PCNX2: variants seen among roughly 807,000 people sequenced by gnomAD.
PCNX2 encodes pecanex 2, also known as pecanex-like protein 2.
PCNX2 carries 168 observed loss-of-function variants against 223.8 expected under a neutral mutation model. The ratio of observed to expected loss-of-function variants is 0.75; its 90% CI spans 0.66 to 0.85. The LOEUF is 0.85. PCNX2 is among the 40% of genes least tolerant of loss of function. PCNX2 has a pLI of 0.00. For synonymous variants in PCNX2, 1,006 were observed against 1,052.6 expected (o/e 0.96, Z 0.86); for missense variants, 2,507 against 2,675.5 (o/e 0.94, Z 1.39).
intron 15 of PCNX2, among the ~76,000 whole-genome samples, chr1:233,179,700 T>C (rs1044074590): frequency 1.3e-5 from 2 of 152,236 alleles, no homozygotes; most frequent in East Asian, 3.8e-4. Context: ...AATAGCTTCT[T>C]ACTCTAAAGC....
At chr1:233,204,419 C>T (rs151132304) in intron 13 of PCNX2, among the ~76,000 whole-genome samples, 4 of 152,156 alleles carry the variant, frequency 2.6e-5, no homozygotes, top group African/African-American at 4.8e-5. Flanking sequence ...GGAAGTATTA[C>T]GCTTCCTAGA....
intron 1 of PCNX2, among the ~76,000 whole-genome samples, chr1:233,281,839 A>C (rs967632119): frequency 3.3e-5 from 5 of 152,184 alleles, no homozygotes; most frequent in African/African-American, 1.2e-4. Flanking sequence ...ATGGAGTTAG[A>C]TTCCATTAAT....
At chr1:233,089,988 C>G in intron 23 of PCNX2, 73 bp downstream of exon 23, 1 of 1,598,776 alleles carries the variant, frequency 6.3e-7, no homozygotes, top group Non-Finnish European at 8.5e-7. Flanking sequence ...GACCTCCTAA[C>G]AGAGGAAGGC....
intron 28 of PCNX2, among the ~76,000 whole-genome samples, chr1:233,009,882 G>C (rs1031158225): frequency 6.6e-6 from 1 of 152,230 alleles, no homozygotes; most frequent in Non-Finnish European, 1.5e-5. Flanking sequence ...GCCAGGCCCA[G>C]GTGGGAGGGG....
intron 25 of PCNX2, among the ~76,000 whole-genome samples, chr1:233,028,152 G>C (rs972955224): frequency 1.3e-5 from 2 of 152,178 alleles, no homozygotes; most frequent in Non-Finnish European, 2.9e-5. Context: ...TGATGGCTTA[G>C]CACATGGTGT....
intron 15 of PCNX2, among the ~76,000 whole-genome samples, chr1:233,180,194 T>C (rs1028964034): frequency 5.9e-5 from 9 of 152,304 alleles, no homozygotes; most frequent in South Asian, 2.1e-4. Flanking sequence ...GATAATCACC[T>C]GAGGAAAGAG....
intron 1 of PCNX2, among the ~76,000 whole-genome samples, chr1:233,274,120 G>A (rs980375984): frequency 3.3e-5 from 5 of 152,172 alleles, no homozygotes; most frequent in African/African-American, 9.7e-5. Flanking sequence ...TAGAACCAGT[G>A]TGCCTACTTC....
At chr1:233,292,136 A>G (rs1199683807) in intron 1 of PCNX2, 1 of 703,636 alleles carries the variant, frequency 1.4e-6, no homozygotes, top group Non-Finnish European at 1.7e-6. Flanking sequence ...AATATTTAAA[A>G]TACTCAAAGT....
At chr1:233,239,026 T>C (rs917740471) in intron 8 of PCNX2, among the ~76,000 whole-genome samples, 1 of 152,230 alleles carries the variant, frequency 6.6e-6, no homozygotes, top group Admixed American at 6.5e-5. Flanking sequence ...CACTGAGTAA[T>C]GTAACTCTGT....
chr1:233,143,951 T>A (rs1677274515), intron 19 of PCNX2, among the ~76,000 whole-genome samples: 3 of 151,952 alleles, frequency 2.0e-5, no homozygotes, highest in Admixed American at 2.0e-4. Flanking sequence ...GAAAAAAAAA[T>A]TGCTATAATA....
At chr1:233,269,768 T>C (rs897463868) in intron 1 of PCNX2, among the ~76,000 whole-genome samples, 3 of 152,194 alleles carry the variant, frequency 2.0e-5, no homozygotes, top group African/African-American at 7.2e-5. Flanking sequence ...TATATGCCCA[T>C]CCGAGAGTGC....
chr1:233,127,136 C>T (rs1029366098), intron 21 of PCNX2, among the ~76,000 whole-genome samples: 2 of 152,170 alleles, frequency 1.3e-5, no homozygotes, highest in African/African-American at 4.8e-5. Context: ...AGAGATATTT[C>T]CAAAATGCAA....
intron 23 of PCNX2, among the ~76,000 whole-genome samples, chr1:233,071,741 G>T (rs1672865742): frequency 6.6e-6 from 1 of 152,110 alleles, no homozygotes; most frequent in Admixed American, 6.5e-5. Flanking sequence ...CCATATGGTT[G>T]AACTAATTTA....
At chr1:233,031,312 C>G (rs6657371) in intron 25 of PCNX2, among the ~76,000 whole-genome samples, 1 of 152,098 alleles carries the variant, frequency 6.6e-6, no homozygotes, top group Non-Finnish European at 1.5e-5. Context: ...CACTCCCACC[C>G]CTATTCATTA....
intron 19 of PCNX2, among the ~76,000 whole-genome samples, chr1:233,159,344 CT>C (rs1319527158): frequency 6.6e-6 from 1 of 152,154 alleles, no homozygotes; most frequent in African/African-American, 2.4e-5. Context: ...TATTTTCCCC[CT>C]TTTCCTTTTG....
At chr1:233,021,896 G>A (rs533805474) in intron 26 of PCNX2, among the ~76,000 whole-genome samples, 3 of 152,022 alleles carry the variant, frequency 2.0e-5, no homozygotes, top group Non-Finnish European at 4.4e-5. Context: ...CCAGCAGTTA[G>A]GAAAAAAGAA....
intron 23 of PCNX2, among the ~76,000 whole-genome samples, chr1:233,075,907 T>G (rs1444684782): frequency 6.6e-6 from 1 of 152,208 alleles, no homozygotes; most frequent in African/African-American, 2.4e-5. Context: ...AAATACAGAA[T>G]ATGAACTTCA....
At chr1:232,992,770 T>G (rs1056958142) in intron 32 of PCNX2, among the ~76,000 whole-genome samples, 1 of 152,176 alleles carries the variant, frequency 6.6e-6, no homozygotes, top group African/African-American at 2.4e-5. Context: ...GAATGGATCA[T>G]GGGGGCATGG....
At chr1:233,092,998 A>G (rs1198481632) in intron 22 of PCNX2, among the ~76,000 whole-genome samples, 2 of 152,064 alleles carry the variant, frequency 1.3e-5, no homozygotes, top group Non-Finnish European at 1.5e-5. Flanking sequence ...ACGGGGTTTC[A>G]CCGTGTTAGC....
Sources: allele counts gnomAD v4.1 joint callset (sites outside exome capture counted in the v4.1 genomes callset), GRCh38; gene constraint gnomAD v4.1.1; transcripts MANE v1.5; gene names NCBI Gene and HGNC (gene_info 2026-07-23, HGNC 2026-07-21).